Variants in TRMT11 observed in about 807,000 individuals in gnomAD.
TRMT11 encodes tRNA (guanine(10)-N(2))-methyltransferase TRMT11.
Under a neutral mutation model 62.8 loss-of-function variants are expected in TRMT11, and 53 were observed. That is an observed-to-expected ratio of 0.84 (90% CI 0.68 to 1.06). The LOEUF (loss-of-function observed/expected upper bound fraction) is 1.06, where lower values mean the gene tolerates loss of function less well. Ranked by LOEUF, TRMT11 falls within the 50% of genes least tolerant of loss-of-function variation. The pLI, the probability that TRMT11 is intolerant of heterozygous loss-of-function variation, is 0.00. For missense variants in TRMT11, 556 were observed against 553.4 expected, an observed-to-expected ratio of 1.00 and a Z score of -0.05; for synonymous variants, 188 against 190.3, an observed-to-expected ratio of 0.99 and a Z score of 0.10.
intron 8 of TRMT11, among the ~76,000 whole-genome samples, chr6:126,010,520 T>C (rs1022463163): frequency 6.6e-6 from 1 of 152,084 alleles, no homozygotes; most frequent in African/African-American, 2.4e-5. Flanking sequence ...TATTCAGCCT[T>C]ATGGAGTCAG....
the TRMT11 span, among the ~76,000 whole-genome samples, chr6:126,209,680 C>T: frequency 1.3e-5 from 2 of 151,936 alleles, no homozygotes; most frequent in Middle Eastern, 3.2e-3. Flanking sequence ...GAGCTGAGAT[C>T]GCATGCCACC....
chr6:126,265,725 C>T, the TRMT11 span, among the ~76,000 whole-genome samples: 4 of 152,096 alleles, frequency 2.6e-5, no homozygotes, highest in Non-Finnish European at 4.4e-5. Context: ...GATTAATTAA[C>T]ACATGTACAA....
intron 21 of TRMT11, among the ~76,000 whole-genome samples, chr6:126,125,808 T>C (rs1777710665): frequency 1.3e-5 from 2 of 152,000 alleles, no homozygotes; most frequent in African/African-American, 4.8e-5. Flanking sequence ...GGGCAGTAAC[T>C]TACCCCTTTT....
intron 17 of TRMT11, among the ~76,000 whole-genome samples, chr6:126,075,809 C>T (rs977647598): frequency 3.9e-5 from 6 of 152,074 alleles, no homozygotes; most frequent in African/African-American, 1.4e-4. Context: ...TCCAGTTTGT[C>T]CATCCATCTG....
At chr6:126,102,970 A>T (rs1222903702) in intron 17 of TRMT11, among the ~76,000 whole-genome samples, 1 of 152,224 alleles carries the variant, frequency 6.6e-6, no homozygotes, top group Non-Finnish European at 1.5e-5. Context: ...TGTTCATCCC[A>T]TAGAGAATGG....
chr6:126,232,225 T>C, the TRMT11 span, among the ~76,000 whole-genome samples: 1 of 151,986 alleles, frequency 6.6e-6, no homozygotes, highest in Admixed American at 6.6e-5. Context: ...ATGGAGAAGA[T>C]TGAGTTTTTA....
chr6:125,997,901 C>A, intron 3 of TRMT11, 152 bp from the exon 4 acceptor site: 1 of 563,624 alleles, frequency 1.8e-6, no homozygotes, highest in Non-Finnish European at 3.1e-6. Flanking sequence ...CAGCTTTTTA[C>A]CCATTTATCT....
At chr6:126,263,221 T>C in the TRMT11 span, among the ~76,000 whole-genome samples, 1 of 152,210 alleles carries the variant, frequency 6.6e-6, no homozygotes, top group Non-Finnish European at 1.5e-5. Flanking sequence ...TGGGTTTCCA[T>C]ATAGATTATG....
At chr6:126,054,465 A>G (rs1776311876) in intron 17 of TRMT11, among the ~76,000 whole-genome samples, 1 of 152,192 alleles carries the variant, frequency 6.6e-6, no homozygotes, top group African/African-American at 2.4e-5. Context: ...ACTGACAGAT[A>G]CTTGCTCCAG....
At chr6:126,235,288 A>C in the TRMT11 span, among the ~76,000 whole-genome samples, 1 of 152,236 alleles carries the variant, frequency 6.6e-6, no homozygotes, top group Non-Finnish European at 1.5e-5. Context: ...TGTGGAAGAC[A>C]GTTTGTCGAA....
chr6:126,194,480 C>G (rs1189255382), intron 1 of TRMT11, among the ~76,000 whole-genome samples: 2 of 152,110 alleles, frequency 1.3e-5, no homozygotes, highest in Non-Finnish European at 2.9e-5. Flanking sequence ...ATTTCGCGCC[C>G]TAATGTTCAC....
intron 17 of TRMT11, among the ~76,000 whole-genome samples, chr6:126,070,625 A>G (rs1776824634): frequency 6.6e-6 from 1 of 152,146 alleles, no homozygotes. Context: ...AAAGTCACAG[A>G]CCTACTGCTT....
chr6:126,006,771 AAAAAT>A, intron 7 of TRMT11: 1 of 152,086 alleles, frequency 6.6e-6, no homozygotes, highest in African/African-American at 2.4e-5. Context: ...TTATTTAAAA[AAAAAT>A]AAAAGCTTAA....
At chr6:126,082,548 T>A (rs1456652743) in intron 17 of TRMT11, among the ~76,000 whole-genome samples, 1 of 152,082 alleles carries the variant, frequency 6.6e-6, no homozygotes. Flanking sequence ...TGAAAATTAG[T>A]CTTAGGGCAT....
the TRMT11 span, among the ~76,000 whole-genome samples, chr6:126,232,556 G>A: frequency 6.6e-6 from 1 of 152,110 alleles, no homozygotes; most frequent in African/African-American, 2.4e-5. Flanking sequence ...GCTTGGGCAG[G>A]GGTCCTTGTT....
rs555230956 is a variant in TRMT11 at position 126,020,764 on chromosome 6, C to T, written c.1140-396C>T. 2.3e-4 allele frequency among the ~76,000 whole-genome samples: 35 copies of T among 152,290 alleles called. No individual in the cohort carries two copies. In the South Asian group the frequency reaches 7.0e-3, roughly 31 times the overall value. ...AAAGTATATGCTGTAGTGGATTATA[C>T]ACTTCGGGAATTTATAAAAATCTAC... is the stretch of plus-strand genomic sequence containing the variant. On this transcript the variant is annotated intron_variant, in intron 11 of 12. Transcript: ENST00000334379.
intron 18 of TRMT11, among the ~76,000 whole-genome samples, chr6:126,112,964 G>GACCTACCAAATC (rs1434987483): frequency 6.6e-6 from 1 of 152,008 alleles, no homozygotes; most frequent in South Asian, 2.1e-4. Flanking sequence ...GGTAGGTTGT[G>GACCTACCAAATC]TGTTTCTAGA....
At chr6:126,243,479 T>C in the TRMT11 span, among the ~76,000 whole-genome samples, 1 of 152,160 alleles carries the variant, frequency 6.6e-6, no homozygotes, top group African/African-American at 2.4e-5. Flanking sequence ...TAAAGACACA[T>C]GCACACGTAT....
the TRMT11 span, among the ~76,000 whole-genome samples, chr6:126,221,493 A>G: frequency 1.3e-5 from 2 of 152,148 alleles, no homozygotes; most frequent in South Asian, 2.1e-4. Flanking sequence ...TTTGATTTGT[A>G]TGGACCTAAT....
Sources: gnomAD v4.1 joint callset for allele counts (sites outside exome capture counted in the v4.1 genomes callset) on GRCh38, gnomAD v4.1.1 for gene constraint, MANE v1.5 for transcripts, NCBI Gene and HGNC (gene_info 2026-07-23, HGNC 2026-07-21) for gene names.